GATAD2A: variants seen among roughly 807,000 people sequenced by gnomAD.
GATAD2A encodes transcriptional repressor p66-alpha.
Under a neutral mutation model 68.5 loss-of-function variants are expected in GATAD2A, and 12 were observed. The observed-to-expected ratio is 0.18, with a 90% CI of 0.11 to 0.28. The LOEUF (loss-of-function observed/expected upper bound fraction) is 0.28. Among genes scored for constraint, GATAD2A ranks in the 10% least tolerant of loss-of-function variants. The pLI is 1.00. For missense variants in GATAD2A, 755 were observed against 868.5 expected (o/e 0.87, Z 1.64); for synonymous variants, 410 against 375.3 (o/e 1.09, Z -1.07).
intron 1 of GATAD2A, among the ~76,000 whole-genome samples, chr19:19,414,837 C>CTTTT (rs56353005): frequency 1.5e-4 from 11 of 74,754 alleles, no homozygotes; most frequent in African/African-American, 4.5e-4. Context: ...ACCCTGCCCC[C>CTTTT]TTTTTTTTTT....
chr19:19,446,568 T>C (rs1352338192), intron 1 of GATAD2A, among the ~76,000 whole-genome samples: 5 of 152,172 alleles, frequency 3.3e-5, no homozygotes, highest in African/African-American at 1.2e-4. Context: ...TTTTTTGATA[T>C]TGTGCTTATA....
chr19:19,466,815 A>G lies in GATAD2A; in HGVS notation c.269+1201A>G, dbSNP rs141808755. On this transcript the variant is annotated intron_variant, in intron 2 of 11. Transcript: ENST00000683918. Reference sequence around the variant, plus strand: ...GGTCCTCTTCTAAAGTTCCAGAAATAAAACTATAGGTCCAAGTCTCCTTTT... The same window carrying G: ...GGTCCTCTTCTAAAGTTCCAGAAATGAAACTATAGGTCCAAGTCTCCTTTT... Among the ~76,000 whole-genome samples the G allele has an allele frequency of 1.8e-3, 273 of 152,338 alleles. 2 individuals carry two copies. The highest frequency in any genetic ancestry group is 6.4e-3 in the African/African-American group (268 of 41,594).
intron 2 of GATAD2A, among the ~76,000 whole-genome samples, chr19:19,466,486 C>T (rs1265487963): frequency 6.6e-6 from 1 of 152,224 alleles, no homozygotes; most frequent in Non-Finnish European, 1.5e-5. Flanking sequence ...CCTGTCTCTC[C>T]ACGCCTGTTC....
chr19:19,421,623 T>A (rs780119414), intron 1 of GATAD2A, among the ~76,000 whole-genome samples: 13 of 152,092 alleles, frequency 8.5e-5, no homozygotes, highest in Non-Finnish European at 1.5e-4. Context: ...ACATGAAGCC[T>A]GATGTGTGCA....
At chr19:19,386,884 C>T (rs1372116806) in intron 1 of GATAD2A, among the ~76,000 whole-genome samples, 1 of 152,124 alleles carries the variant, frequency 6.6e-6, no homozygotes, top group Non-Finnish European at 1.5e-5. Flanking sequence ...CTCCCTTCTT[C>T]ACTGAGGGTC....
intron 1 of GATAD2A, among the ~76,000 whole-genome samples, chr19:19,457,407 C>A (rs1047746811): frequency 6.6e-6 from 1 of 152,140 alleles, no homozygotes; most frequent in African/African-American, 2.4e-5. Context: ...CTCCTTTGAG[C>A]CCCACCTGTG....
intron 1 of GATAD2A, among the ~76,000 whole-genome samples, chr19:19,407,770 G>A (rs1481147978): frequency 2.6e-5 from 4 of 152,186 alleles, no homozygotes; most frequent in Non-Finnish European, 5.9e-5. Context: ...CTTTGCATTC[G>A]CTTCTTCAGC....
At chr19:19,425,943 A>G (rs1209000362) in intron 1 of GATAD2A, among the ~76,000 whole-genome samples, 1 of 151,964 alleles carries the variant, frequency 6.6e-6, no homozygotes, top group Non-Finnish European at 1.5e-5. Flanking sequence ...GTGCTCCGCC[A>G]CGCCTGGCTA....
intron 1 of GATAD2A, among the ~76,000 whole-genome samples, chr19:19,450,530 G>A (rs2056258378): frequency 6.6e-6 from 1 of 152,008 alleles, no homozygotes; most frequent in African/African-American, 2.4e-5. Context: ...TTTGGAGTGT[G>A]TTCTGTGCCT....
At chr19:19,398,379 T>G (rs1172490684) in intron 1 of GATAD2A, among the ~76,000 whole-genome samples, 1 of 151,852 alleles carries the variant, frequency 6.6e-6, no homozygotes, top group African/African-American at 2.4e-5. Flanking sequence ...AATTTTTGCA[T>G]TTTTAGTAGA....
chr19:19,424,419 G>A (rs941033787), intron 1 of GATAD2A, among the ~76,000 whole-genome samples: 6 of 152,012 alleles, frequency 3.9e-5, no homozygotes, highest in African/African-American at 1.2e-4. Flanking sequence ...TTGTAAAGAC[G>A]GAGTTTTGCT....
chr19:19,440,882 T>TG (rs1307696798), intron 1 of GATAD2A, among the ~76,000 whole-genome samples: 7 of 152,154 alleles, frequency 4.6e-5, no homozygotes, highest in Non-Finnish European at 1.0e-4. Flanking sequence ...GGTAAACAAA[T>TG]TTATTTCCTT....
intron 1 of GATAD2A, among the ~76,000 whole-genome samples, chr19:19,433,918 G>A (rs993096293): frequency 6.6e-6 from 1 of 152,100 alleles, no homozygotes; most frequent in African/African-American, 2.4e-5. Context: ...TCAGGTGCAC[G>A]CCACCACACC....
At position 19,502,056 on chromosome 19, in the gene GATAD2A, C is replaced by G. The variant is rs781569342; in HGVS notation, c.1578+13C>G. ...GGCTGTGCTACAGGTCAGAACCGCA[C>G]TGGGCGCCGGGAGCCTCGCGCCCCC... On this transcript the variant is annotated intron_variant, in intron 10 of 11. Coordinates refer to ENST00000683918, the MANE Select transcript of GATAD2A (RefSeq NM_001384528.1). The G allele has an allele frequency of 6.2e-7, 1 of 1,606,596 alleles. No homozygotes were observed. Among genetic ancestry groups the G allele is most frequent in the Non-Finnish European group, 8.5e-7 (1 of 1,174,164 alleles).
intron 1 of GATAD2A, among the ~76,000 whole-genome samples, chr19:19,461,623 G>A (rs1179359929): frequency 6.6e-6 from 1 of 152,244 alleles, no homozygotes; most frequent in Non-Finnish European, 1.5e-5. Flanking sequence ...GGTCTCTAGT[G>A]TGGCTGGAAC....
chr19:19,498,971 C>T (rs1196589511), intron 8 of GATAD2A, among the ~76,000 whole-genome samples: 2 of 152,174 alleles, frequency 1.3e-5, no homozygotes, highest in African/African-American at 2.4e-5. Context: ...GCCTCCGTGA[C>T]GTTGGCGTGT....
At chr19:19,502,834 C>CTG (rs2060627998) in intron 11 of GATAD2A, among the ~76,000 whole-genome samples, 1 of 152,240 alleles carries the variant, frequency 6.6e-6, no homozygotes, top group Non-Finnish European at 1.5e-5. Context: ...CTCTTGTCAG[C>CTG]ACACACCCCT....
At chr19:19,469,702 T>G (rs180698612) in intron 2 of GATAD2A, among the ~76,000 whole-genome samples, 1 of 152,278 alleles carries the variant, frequency 6.6e-6, no homozygotes, top group African/African-American at 2.4e-5. Flanking sequence ...ATGCCAGCAC[T>G]TTGGGAGGCC....
intron 11 of GATAD2A, among the ~76,000 whole-genome samples, chr19:19,504,687 G>A (rs2060771197): frequency 7.9e-6 from 1 of 126,292 alleles, no homozygotes; most frequent in South Asian, 2.6e-4. Flanking sequence ...TTGCTATGTT[G>A]CCCAGGCTGG....
Sources: allele counts gnomAD v4.1 joint callset (sites outside exome capture counted in the v4.1 genomes callset), GRCh38; gene constraint gnomAD v4.1.1; transcripts MANE v1.5; gene names NCBI Gene and HGNC (gene_info 2026-07-23, HGNC 2026-07-21).